Variants in ATG16L1 observed in about 807,000 individuals in gnomAD.
ATG16L1 encodes the protein autophagy related 16 like 1, also known as autophagy-related protein 16-1.
In ATG16L1, 37 loss-of-function variants were observed where a neutral mutation model predicts 88.5. The ratio of observed to expected loss-of-function variants is 0.42; its 90% CI spans 0.32 to 0.55. The LOEUF is 0.55. ATG16L1 is among the 20% of genes least tolerant of loss of function. The pLI is 0.13. For synonymous variants in ATG16L1, 301 were observed against 281.0 expected (o/e 1.07, Z -0.71); for missense variants, 554 against 752.8 (o/e 0.74, Z 3.09).
intron 9 of ATG16L1, among the ~76,000 whole-genome samples, chr2:233,276,481 A>G (rs1315838213): frequency 6.6e-6 from 1 of 151,924 alleles, no homozygotes; most frequent in Admixed American, 6.6e-5. Context: ...CCCTTTTCCC[A>G]TTCTAGAATG....
chr2:233,270,143 T>G (rs1333384346), intron 6 of ATG16L1, 76 bp downstream of exon 6: 25 of 1,431,374 alleles, frequency 1.7e-5, no homozygotes, highest in Middle Eastern at 4.0e-4. Context: ...TTATTTTTTT[T>G]TTTGTTTGGT....
At chr2:233,255,322 G>C (rs1026577412) in intron 1 of ATG16L1, among the ~76,000 whole-genome samples, 1 of 152,040 alleles carries the variant, frequency 6.6e-6, no homozygotes, top group Non-Finnish European at 1.5e-5. Context: ...TTGAATTTCT[G>C]TACTCTGTCT....
chr2:233,259,513 TG>T (rs568815681), intron 2 of ATG16L1, among the ~76,000 whole-genome samples: 18 of 152,286 alleles, frequency 1.2e-4, no homozygotes, highest in African/African-American at 4.1e-4. Context: ...AGGAAGCTAT[TG>T]GGAGTTTAGT....
chr2:233,256,243 T>G (rs912234917), intron 2 of ATG16L1, 48 bp downstream of exon 2: 24 of 1,487,556 alleles, frequency 1.6e-5, no homozygotes, highest in Non-Finnish European at 2.1e-5. Flanking sequence ...TAAGGAAATT[T>G]ATCTCAGTTC....
At chr2:233,283,325 G>C (rs1698840871) in intron 12 of ATG16L1, among the ~76,000 whole-genome samples, 1 of 152,036 alleles carries the variant, frequency 6.6e-6, no homozygotes, top group Non-Finnish European at 1.5e-5. Context: ...GGGGCGGAGG[G>C]CGAAGCATGT....
At position 233,292,389 on chromosome 2, in the gene ATG16L1, C is replaced by A; in HGVS notation, c.1583C>A (p.Ala528Glu). 1.2e-6 allele frequency: 2 copies of A among 1,613,676 alleles called. No individual in the cohort carries two copies. Among genetic ancestry groups the A allele is most frequent in the Non-Finnish European group, 1.7e-6 (2 of 1,180,004 alleles). ...CAGTGCCCTGTTGTTTGTTTCAGTG[C>A]ACCTGGGTTCAAGTGCGGCTCTGAC... ...RTNAIKQTFS[A>E]PGFKCGSDWT... is the part of the protein sequence containing the mutation. The change falls in exon 16 of 18, where the codon GCA (alanine) becomes GAA (glutamate). Residue 528 changes from alanine to glutamate, a missense_variant and splice_region_variant. By Grantham distance (107) the Ala-to-Glu change is moderately radical. Transcript: ENST00000392017.
rs74545398 is a variant in ATG16L1 at position 233,262,836 on chromosome 2, A to T, written c.210-294A>T. ...TCGGCACTCAGGTCCTTGCTGAGCC[A>T]GTGGGCCCTGTTGGTGCCTGTTACT... On this transcript the variant is annotated intron_variant, in intron 2 of 17. Coordinates refer to ENST00000392017, the MANE Select transcript of ATG16L1 (RefSeq NM_030803.7). Among the ~76,000 whole-genome samples, 318 of 152,298 alleles carry T rather than the reference A, an allele frequency of 2.1e-3. 5 individuals carry two copies. The East Asian group carries it at 0.041, about 20-fold the overall frequency.
At chr2:233,275,957 G>T in intron 9 of ATG16L1, 1 of 519,186 alleles carries the variant, frequency 1.9e-6, no homozygotes, top group South Asian at 1.4e-5. Context: ...ACGAGTGGCA[G>T]TCATGGGTGT....
chr2:233,255,636 CTTT>C (rs1696726438), intron 1 of ATG16L1, among the ~76,000 whole-genome samples: 1 of 152,204 alleles, frequency 6.6e-6, no homozygotes, highest in Admixed American at 6.5e-5. Flanking sequence ...CCATCATCTT[CTTT>C]TAAGACTTAA....
intron 5 of ATG16L1, among the ~76,000 whole-genome samples, chr2:233,266,777 C>T (rs1188612253): frequency 6.6e-6 from 1 of 152,184 alleles, no homozygotes; most frequent in Non-Finnish European, 1.5e-5. Flanking sequence ...TGTACACACA[C>T]ACAATGGAAT....
intron 4 of ATG16L1, 138 bp from the exon 5 acceptor site, chr2:233,264,754 A>G: frequency 8.7e-7 from 1 of 1,147,604 alleles, no homozygotes; most frequent in Non-Finnish European, 1.2e-6. Context: ...CTAATGGATT[A>G]TCCTGTAAAC....
chr2:233,281,510 G>A (rs186665804), intron 11 of ATG16L1, among the ~76,000 whole-genome samples: 2 of 152,308 alleles, frequency 1.3e-5, no homozygotes, highest in Non-Finnish European at 2.9e-5. Context: ...AGAGTGATGG[G>A]AAAGCATTAA....
chr2:233,284,870 A>G (rs1038193918), intron 12 of ATG16L1, among the ~76,000 whole-genome samples: 1 of 152,260 alleles, frequency 6.6e-6, no homozygotes, highest in African/African-American at 2.4e-5. Context: ...TGTATAGATT[A>G]TTAGTATTAG....
chr2:233,273,925 CCT>C (rs1698160261), intron 8 of ATG16L1, 148 bp downstream of exon 8: 1 of 1,529,736 alleles, frequency 6.5e-7, no homozygotes. Context: ...TTAGCTTCTT[CCT>C]TTTTTCCTCA....
chr2:233,256,397 G>C (rs900745436), intron 2 of ATG16L1, among the ~76,000 whole-genome samples: 2 of 152,202 alleles, frequency 1.3e-5, no homozygotes, highest in Admixed American at 6.5e-5. Flanking sequence ...GTTATTATCA[G>C]TACAGTGCTC....
rs371125421 is a variant in ATG16L1 at position 233,275,923 on chromosome 2, C to A, written c.954+1145C>A. ...CGGCTCACAGCTGACGAGTATCCAA[C>A]AAAACCAGTTACACAGGAGACTGAC... is the stretch of plus-strand genomic sequence containing the variant. On this transcript the variant is annotated intron_variant, in intron 9 of 17. Transcript: ENST00000392017. The A allele has an allele frequency of 8.2e-4, 424 of 519,180 alleles. 1 individual carries two copies. Among genetic ancestry groups the A allele is most frequent in the Middle Eastern group, 4.1e-3 (13 of 3,146 alleles). The allele number at this position is 519,180 out of a possible 1,614,324, so 32.2% of individuals were successfully genotyped here.
At chr2:233,260,891 T>C (rs1184523111) in intron 2 of ATG16L1, among the ~76,000 whole-genome samples, 1 of 152,224 alleles carries the variant, frequency 6.6e-6, no homozygotes, top group Admixed American at 6.5e-5. Flanking sequence ...TCTTTGCCTC[T>C]GAACATGATT....
intron 12 of ATG16L1, among the ~76,000 whole-genome samples, chr2:233,287,800 C>A (rs907676759): frequency 6.6e-6 from 1 of 152,200 alleles, no homozygotes; most frequent in Non-Finnish European, 1.5e-5. Flanking sequence ...ATCACTTAAA[C>A]CTGGGAGGCG....
At position 233,289,745 on chromosome 2, in the gene ATG16L1, A is replaced by G. The variant is rs575923375; in HGVS notation, c.1204-109A>G. On this transcript the variant is annotated intron_variant, in intron 12 of 17. Transcript: ENST00000392017. ...CTTTGAGTGTTCCTGGCCGGATCTCAGGGTGGTCTGACACTCTGACTCTGG... is the reference window on the plus strand; with the variant it reads ...CTTTGAGTGTTCCTGGCCGGATCTCGGGGTGGTCTGACACTCTGACTCTGG... The G allele has an allele frequency of 5.8e-4, 841 of 1,442,056 alleles. 5 individuals are homozygous for G. In the African/African-American group the frequency reaches 9.3e-3, roughly 16 times the overall value. 89.3% of individuals were successfully genotyped at this position (1,442,056 alleles called of 1,614,324 possible).
Sources: gnomAD v4.1 joint callset for allele counts (sites outside exome capture counted in the v4.1 genomes callset) on GRCh38, gnomAD v4.1.1 for gene constraint, MANE v1.5 for transcripts, NCBI Gene and HGNC (gene_info 2026-07-23, HGNC 2026-07-21) for gene names.